The following MGST2 variants were observed in gnomAD, a reference collection of about 807,000 sequenced individuals.
MGST2 encodes the protein glutathione peroxidase MGST2.
In MGST2, 9 loss-of-function variants were observed where a neutral mutation model predicts 16.6. The ratio of observed to expected loss-of-function variants is 0.54; its 90% CI spans 0.33 to 0.95. The LOEUF (loss-of-function observed/expected upper bound fraction) is 0.95, where lower values mean the gene tolerates loss of function less well. Among genes scored for constraint, MGST2 ranks in the 40% least tolerant of loss-of-function variants. The probability of loss-of-function intolerance (pLI) is 0.03; values close to 1 mark genes in which losing one functional copy is unlikely to be tolerated. For synonymous variants in MGST2, 79 were observed against 68.0 expected (o/e 1.16, Z -0.79); for missense variants, 159 against 175.1 (o/e 0.91, Z 0.52).
At chr4:139,719,272 C>A in intron 5 of MGST2, 1 of 1,513,038 alleles carries the variant, frequency 6.6e-7, no homozygotes, top group East Asian at 2.3e-5. Flanking sequence ...GTTTCTTTTT[C>A]ACTTTTTAAG....
At chr4:139,691,056 A>G (rs1051984301) in intron 2 of MGST2, among the ~76,000 whole-genome samples, 2 of 152,206 alleles carry the variant, frequency 1.3e-5, no homozygotes, top group African/African-American at 2.4e-5. Flanking sequence ...AAACCAAGAT[A>G]GCGTTCATGG....
intron 5 of MGST2, among the ~76,000 whole-genome samples, chr4:139,737,129 A>C (rs1728977330): frequency 6.6e-6 from 1 of 152,166 alleles, no homozygotes. Context: ...GGGGAGCATC[A>C]GACATCCCTA....
At chr4:139,672,157 G>C (rs181541282) in intron 1 of MGST2, among the ~76,000 whole-genome samples, 17 of 152,250 alleles carry the variant, frequency 1.1e-4, no homozygotes, top group Admixed American at 1.1e-3. Context: ...GATGCCCATT[G>C]GGTGCAATTA....
At chr4:139,719,292 C>G (rs1001527138) in intron 5 of MGST2, 2 of 1,533,812 alleles carry the variant, frequency 1.3e-6, no homozygotes, top group Admixed American at 4.2e-5. Flanking sequence ...GCTTTAACCA[C>G]TCGAGTTGTG....
intron 2 of MGST2, among the ~76,000 whole-genome samples, chr4:139,687,963 A>G (rs1223848500): frequency 6.6e-6 from 1 of 152,244 alleles, no homozygotes; most frequent in Non-Finnish European, 1.5e-5. Flanking sequence ...TTACGTTATT[A>G]CTGAATTTAG....
intron 5 of MGST2, chr4:139,731,479 A>ATGGT (rs1407253994): frequency 6.6e-6 from 1 of 150,818 alleles, no homozygotes; most frequent in African/African-American, 2.6e-5. Context: ...TTAGCCAGAC[A>ATGGT]TGGTGGTGGG....
intron 5 of MGST2, among the ~76,000 whole-genome samples, chr4:139,724,836 G>T (rs1728400305): frequency 6.8e-6 from 1 of 147,784 alleles, no homozygotes; most frequent in Admixed American, 6.8e-5. Flanking sequence ...GTAGCTCACT[G>T]CAACCTCCAC....
chr4:139,703,903 CA>C, intron 4 of MGST2, 112 bp from the exon 5 acceptor site: 1 of 1,420,038 alleles, frequency 7.0e-7, no homozygotes, highest in Non-Finnish European at 9.8e-7. Flanking sequence ...TTTCAAATTG[CA>C]AAAATATAGA....
chr4:139,736,714 G>A (rs1278192367), intron 5 of MGST2, among the ~76,000 whole-genome samples: 1 of 152,130 alleles, frequency 6.6e-6, no homozygotes, highest in Non-Finnish European at 1.5e-5. Context: ...GAGCTTGTTA[G>A]AAATGCAAAT....
intron 5 of MGST2, chr4:139,717,809 C>T (rs345983): frequency 0.62 from 94,948 of 152,024 alleles, 30,348 homozygotes; most frequent in South Asian, 0.72. Context: ...AGGACGACAC[C>T]GAAGCCACAA....
At chr4:139,669,538 G>A (rs534813209) in intron 1 of MGST2, among the ~76,000 whole-genome samples, 204 of 152,320 alleles carry the variant, frequency 1.3e-3, no homozygotes, top group African/African-American at 4.7e-3. Flanking sequence ...CTGGCCCCAT[G>A]TAGGCGCTCA....
downstream of MGST2, among the ~76,000 whole-genome samples, chr4:139,708,371 GT>G: frequency 6.6e-6 from 1 of 152,282 alleles, no homozygotes; most frequent in South Asian, 2.1e-4. Context: ...TCAGATGGTT[GT>G]AGATATGCGG....
intron 3 of MGST2, among the ~76,000 whole-genome samples, chr4:139,700,432 C>T (rs1040151493): frequency 2.0e-5 from 3 of 152,038 alleles, no homozygotes; most frequent in African/African-American, 7.2e-5. Context: ...CGCCCGGCCA[C>T]CAGGTACTGT....
At chr4:139,748,184 A>G in the MGST2 span, among the ~76,000 whole-genome samples, 1 of 152,010 alleles carries the variant, frequency 6.6e-6, no homozygotes, top group African/African-American at 2.4e-5. Flanking sequence ...AGGCTCTAAG[A>G]GGGCCTCCAT....
chr4:139,679,653 G>A lies in MGST2; in HGVS notation c.158+1011G>A, dbSNP rs1161071318. Reference sequence around the variant, plus strand: ...CCTTGGTCCTTGAGATGATAACATTGGTCTCTTGATTATCCACTTGCTCCA... The same window carrying A: ...CCTTGGTCCTTGAGATGATAACATTAGTCTCTTGATTATCCACTTGCTCCA... On this transcript the variant is annotated intron_variant, in intron 2 of 4. Coordinates refer to ENST00000265498, the MANE Select transcript of MGST2 (RefSeq NM_002413.5). Among the ~76,000 whole-genome samples the A allele has an allele frequency of 3.3e-5, 5 of 152,160 alleles. No homozygotes were observed. In the East Asian group the frequency reaches 9.6e-4, roughly 29 times the overall value.
At chr4:139,720,057 T>A in intron 5 of MGST2, 2 of 1,614,102 alleles carry the variant, frequency 1.2e-6, no homozygotes, top group Non-Finnish European at 1.7e-6. Context: ...TGGGCTTGGT[T>A]ATGTGTGATG....
intron 5 of MGST2, among the ~76,000 whole-genome samples, chr4:139,710,548 C>T (rs1053498560): frequency 1.3e-5 from 2 of 152,122 alleles, no homozygotes; most frequent in African/African-American, 4.8e-5. Context: ...TGTGCCCTCC[C>T]TCCACCCCGG....
At chr4:139,678,253 C>A (rs1199311588) in intron 1 of MGST2, among the ~76,000 whole-genome samples, 1 of 152,170 alleles carries the variant, frequency 6.6e-6, no homozygotes, top group Non-Finnish European at 1.5e-5. Context: ...TAGGGAAATA[C>A]CTATGAATGG....
intron 5 of MGST2, among the ~76,000 whole-genome samples, chr4:139,709,285 G>A (rs1318617551): frequency 2.0e-5 from 3 of 151,880 alleles, no homozygotes; most frequent in South Asian, 2.1e-4. Context: ...GGGTTTCACC[G>A]TGTTAGCCAG....
Sources: gnomAD v4.1 joint callset for allele counts (sites outside exome capture counted in the v4.1 genomes callset) on GRCh38, gnomAD v4.1.1 for gene constraint, MANE v1.5 for transcripts, NCBI Gene and HGNC (gene_info 2026-07-23, HGNC 2026-07-21) for gene names.